Variants in CACNG8 observed in about 807,000 individuals in gnomAD.
CACNG8 encodes the protein voltage-dependent calcium channel gamma-8 subunit.
A neutral mutation model predicts 26.9 loss-of-function variants in CACNG8; 5 were observed. The observed-to-expected ratio is 0.19, with a 90% CI of 0.10 to 0.39. The LOEUF is 0.39. CACNG8 is among the 10% of genes least tolerant of loss of function. The pLI is 1.00. For missense variants in CACNG8, 473 were observed against 609.4 expected (o/e 0.78, Z 2.36); for synonymous variants, 321 against 296.7 (o/e 1.08, Z -0.84).
chr19:53,974,585 G>C (rs190020007), intron 1 of CACNG8, among the ~76,000 whole-genome samples: 4 of 151,956 alleles, frequency 2.6e-5, no homozygotes, highest in Non-Finnish European at 2.9e-5. Flanking sequence ...AGTGCACAAG[G>C]TTCCAATTTC....
At chr19:53,980,097 CGTGAGTGCAAGT>C in intron 3 of CACNG8, 90 bp downstream of exon 3, 2 of 1,324,674 alleles carry the variant, frequency 1.5e-6, no homozygotes, top group Non-Finnish European at 2.0e-6. Flanking sequence ...CGCGCGCGCG[CGTGAGTGCAAGT>C]GCGCGTTCGT....
rs1390742725 is a variant in CACNG8 at position 53,990,183 on chromosome 19, G to A, written c.*7334G>A. On this transcript the variant is annotated 3_prime_UTR_variant, in exon 4 of 4. Coordinates refer to ENST00000270458, the MANE Select transcript of CACNG8 (RefSeq NM_031895.6). ...TGAAACTGCATGGAAGGTCCCCCAG[G>A]GGTGCCCCGTCTAATAAACTCGATG... is the stretch of plus-strand genomic sequence containing the variant. 1 of 152,754 alleles carries A rather than the reference G, an allele frequency of 6.5e-6. No individual in the cohort carries two copies. Among genetic ancestry groups the A allele is most frequent in the East Asian group, 1.9e-4 (1 of 5,200 alleles). The allele number at this position is 152,754 out of a possible 1,614,324, so 9.5% of individuals were successfully genotyped here.
At chr19:53,963,806 T>C (rs191876159) in intron 1 of CACNG8, among the ~76,000 whole-genome samples, 7,722 of 136,230 alleles carry the variant, frequency 0.057, 695 homozygotes, top group African/African-American at 0.23. Context: ...CCTTTTCTCT[T>C]TTTTTTTTTT....
Position 53,982,840 on chromosome 19 carries a change from G to C in CACNG8, c.1269G>C (p.Thr423=). 2.2e-6 allele frequency: 3 copies of C among 1,360,064 alleles called. No individual in the cohort carries two copies. The highest frequency in any genetic ancestry group is 2.9e-6 in the Non-Finnish European group (3 of 1,050,074). The allele number at this position is 1,360,064 out of a possible 1,614,324, so 84.2% of individuals were successfully genotyped here. A position where few individuals can be genotyped will look rare whatever the true frequency, so the allele number is the denominator to read the frequency against. The change falls in exon 4 of 4, where the codon ACG becomes ACC. Residue 423 remains threonine (T), a synonymous_variant. Coordinates refer to ENST00000270458, the MANE Select transcript of CACNG8 (RefSeq NM_031895.6). The surrounding 1 kb of genome is among the most constrained non-coding windows in gnomAD (Gnocchi z 8.4). ...CCAACACGCTCAACAGGAAAACCAC[G>C]CCTGTGTAGGGGCGCGGCGGGGGAG...
Position 53,979,852 on chromosome 19 carries a change from C to T in CACNG8, c.368-15C>T. The T allele has an allele frequency of 1.3e-6, 2 of 1,586,668 alleles. No homozygotes were observed. Among genetic ancestry groups the T allele is most frequent in the Non-Finnish European group, 1.7e-6 (2 of 1,164,294 alleles). ...CCTCGCTCTCCCTCCTTTTCCTTTC[C>T]TTCCTCCCCCGCAGGAGTTGTCCGG... is the stretch of plus-strand genomic sequence containing the variant. On this transcript the variant is annotated splice_polypyrimidine_tract_variant and intron_variant, in intron 2 of 3. Transcript: ENST00000270458.
In CACNG8 at chr19:53,989,106, A is replaced by C. The variant is rs555213650; in HGVS notation, c.*6257A>C. 1.3e-5 allele frequency: 2 copies of C among 152,358 alleles called. No homozygotes were observed. The highest frequency in any genetic ancestry group is 4.8e-5 in the African/African-American group (2 of 41,562). The allele number at this position is 152,358 out of a possible 1,614,324, so 9.4% of individuals were successfully genotyped here. A position where few individuals can be genotyped will look rare whatever the true frequency, so the allele number is the denominator to read the frequency against. The stretch of plus-strand genomic sequence containing the variant: ...AATATAGTAAGACCCCGTCTCTACA[A>C]AAATGAAAAATGAGCTGTGGCGTGG... On this transcript the variant is annotated 3_prime_UTR_variant, in exon 4 of 4. Coordinates refer to ENST00000270458, the MANE Select transcript of CACNG8 (RefSeq NM_031895.6).
chr19:53,982,329 G>A lies in CACNG8; in HGVS notation c.758G>A (p.Gly253Asp). 6.4e-7 allele frequency: 1 copy of A among 1,573,560 alleles called. No individual in the cohort carries two copies. Among genetic ancestry groups the A allele is most frequent in the Non-Finnish European group, 8.6e-7 (1 of 1,163,084 alleles). ...GCCGGCGGGGGCGCGGGCGGCAGTG[G>A]CGGGAGCGGCCCCTCGGCCATCCTC... Residue 253 changes from glycine to aspartate, a missense_variant, in exon 4 of 4, where the codon GGC (glycine) becomes GAC (aspartate). Gly to Asp is a moderately conservative substitution (Grantham distance 94). Transcript: ENST00000270458. The surrounding 1 kb of genome is among the most constrained non-coding windows in gnomAD (Gnocchi z 8.4).
At position 53,982,759 on chromosome 19, in the gene CACNG8, C is replaced by G. The variant is rs2069381057; in HGVS notation, c.1188C>G (p.Pro396=). 2.4e-6 allele frequency: 3 copies of G among 1,244,894 alleles called. No homozygotes were observed. In the East Asian group the frequency reaches 1.1e-4, roughly 45 times the overall value. The allele number at this position is 1,244,894 out of a possible 1,614,324, so 77.1% of individuals were successfully genotyped here. A position where few individuals can be genotyped will look rare whatever the true frequency, so the allele number is the denominator to read the frequency against. Residue 396 remains proline (P), a synonymous_variant, in exon 4 of 4, where the codon CCC becomes CCG. Transcript: ENST00000270458. The surrounding 1 kb of genome is among the most constrained non-coding windows in gnomAD (Gnocchi z 8.4). ...CCGCCCCGCCCGCGCCCGCGCCACC[C>G]GCGCCCTCTGCGCCCGCCCCCGGGA...
Position 53,988,058 on chromosome 19 carries a change from AAGG to A in CACNG8, c.*5212_*5214del, listed in dbSNP as rs1352767687. 2 of 49,600 alleles carry A rather than the reference AAGG, an allele frequency of 4.0e-5. No individual in the cohort carries two copies. The highest frequency in any genetic ancestry group is 1.4e-4 in the African/African-American group (2 of 14,370). The allele number at this position is 49,600 out of a possible 1,614,324, so 3.1% of individuals were successfully genotyped here. A position where few individuals can be genotyped will look rare whatever the true frequency, so the allele number is the denominator to read the frequency against. On this transcript the variant is annotated 3_prime_UTR_variant, in exon 4 of 4. Transcript: ENST00000270458. ...GGCAAATGCACCTTTGTGTTTCAAG[AAGG>A]AGAGGAGACAGCCAGCTGTGCCAAG...
chr19:53,973,825 C>CA (rs149757700), intron 1 of CACNG8, among the ~76,000 whole-genome samples: 2,123 of 149,806 alleles, frequency 0.014, 44 homozygotes, highest in African/African-American at 0.049. Flanking sequence ...GACTCCATCC[C>CA]AAAAAAAAAG....
intron 3 of CACNG8, among the ~76,000 whole-genome samples, chr19:53,981,716 G>A (rs2069369653): frequency 6.6e-6 from 1 of 152,064 alleles, no homozygotes; most frequent in South Asian, 2.1e-4. Context: ...CCAGGACCAC[G>A]CATGATGCAG....
chr19:53,971,550 A>C (rs1486757045), intron 1 of CACNG8, among the ~76,000 whole-genome samples: 1 of 152,228 alleles, frequency 6.6e-6, no homozygotes, highest in Non-Finnish European at 1.5e-5. Context: ...TGCATGGGAC[A>C]GCCCAGCTTG....
intron 3 of CACNG8, among the ~76,000 whole-genome samples, chr19:53,980,807 C>T (rs1006074988): frequency 2.0e-5 from 3 of 152,140 alleles, no homozygotes; most frequent in Admixed American, 2.0e-4. Context: ...GGTAAGGCCC[C>T]CTTTCTACCC....
At chr19:53,969,316 T>C (rs568494224) in intron 1 of CACNG8, among the ~76,000 whole-genome samples, 24 of 152,252 alleles carry the variant, frequency 1.6e-4, no homozygotes, top group Admixed American at 1.3e-3. Flanking sequence ...ACTTTTATTA[T>C]TCCCATTCTA....
At chr19:53,967,056 G>T (rs2069275790) in intron 1 of CACNG8, among the ~76,000 whole-genome samples, 1 of 152,104 alleles carries the variant, frequency 6.6e-6, no homozygotes, top group Admixed American at 6.6e-5. Flanking sequence ...TGTGTGGAGG[G>T]GCCGTCCTAT....
chr19:53,982,928 G>A lies in CACNG8; in HGVS notation c.*79G>A. 1 of 1,019,642 alleles carries A rather than the reference G, an allele frequency of 9.8e-7. No individual in the cohort carries two copies. The highest frequency in any genetic ancestry group is 1.2e-6 in the Non-Finnish European group (1 of 815,296). 63.2% of individuals were successfully genotyped at this position (1,019,642 alleles called of 1,614,324 possible). A position where few individuals can be genotyped will look rare whatever the true frequency, so the allele number is the denominator to read the frequency against. The stretch of plus-strand genomic sequence containing the variant: ...TGCATCGAGGCTGCCGGGGTCGGGG[G>A]CGCCCCCGCTTTCCCCCGTGAGCGC... On this transcript the variant is annotated 3_prime_UTR_variant, in exon 4 of 4. Transcript: ENST00000270458. The surrounding 1 kb of genome is among the most constrained non-coding windows in gnomAD (Gnocchi z 8.4).
chr19:53,969,523 G>A (rs758371367), intron 1 of CACNG8, among the ~76,000 whole-genome samples: 16 of 150,994 alleles, frequency 1.1e-4, no homozygotes, highest in Admixed American at 2.0e-4. Context: ...GCCTCTCAAC[G>A]CATTGGGATT....
At chr19:53,963,502 C>T (rs966788829) in intron 1 of CACNG8, 77 bp downstream of exon 1, 1 of 1,370,428 alleles carries the variant, frequency 7.3e-7, no homozygotes, top group Non-Finnish European at 9.5e-7. Context: ...GGCTGCCTGT[C>T]CCTGATCCTG....
intron 3 of CACNG8, 124 bp from the exon 4 acceptor site, chr19:53,981,956 T>G (rs1264553381): frequency 1.7e-5 from 17 of 1,000,006 alleles, no homozygotes; most frequent in Non-Finnish European, 1.9e-5. Context: ...CCACTCGGGG[T>G]GGGGCCTAGA....
Sources: allele counts gnomAD v4.1 joint callset (sites outside exome capture counted in the v4.1 genomes callset), GRCh38; gene constraint gnomAD v4.1.1; non-coding constraint Gnocchi (gnomAD v3.1); transcripts MANE v1.5; gene names NCBI Gene and HGNC (gene_info 2026-07-23, HGNC 2026-07-21).